Variants in GUCY1A2 observed in about 807,000 individuals in gnomAD.
The protein encoded by GUCY1A2 is guanylate cyclase soluble subunit alpha-2.
GUCY1A2 carries 27 observed loss-of-function variants against 63.5 expected under a neutral mutation model. The ratio of observed to expected loss-of-function variants is 0.43; its 90% CI spans 0.31 to 0.59. The LOEUF (loss-of-function observed/expected upper bound fraction) is 0.59. GUCY1A2 is among the 20% of genes least tolerant of loss of function. The probability of loss-of-function intolerance (pLI) is 0.11; values close to 1 mark genes in which losing one functional copy is unlikely to be tolerated. For missense variants in GUCY1A2, 768 were observed against 913.3 expected (o/e 0.84, Z 2.05); for synonymous variants, 364 against 343.5 (o/e 1.06, Z -0.66).
intron 4 of GUCY1A2, among the ~76,000 whole-genome samples, chr11:106,906,606 A>G (rs776455241): frequency 6.6e-6 from 1 of 152,174 alleles, no homozygotes; most frequent in Non-Finnish European, 1.5e-5. Context: ...AAAGGATTAT[A>G]AATCATTCTA....
intron 1 of GUCY1A2, among the ~76,000 whole-genome samples, chr11:106,991,998 A>G (rs1231682677): frequency 6.6e-6 from 1 of 152,224 alleles, no homozygotes; most frequent in South Asian, 2.1e-4. Flanking sequence ...GAATACTGAG[A>G]CACAAACTTT....
At chr11:106,850,919 A>G (rs894824875) in intron 4 of GUCY1A2, among the ~76,000 whole-genome samples, 1 of 151,816 alleles carries the variant, frequency 6.6e-6, no homozygotes, top group African/African-American at 2.4e-5. Flanking sequence ...AACCTCCATG[A>G]TGTTTTCCAT....
chr11:106,948,102 T>C (rs1224442806), intron 3 of GUCY1A2, among the ~76,000 whole-genome samples: 1 of 152,140 alleles, frequency 6.6e-6, no homozygotes, highest in African/African-American at 2.4e-5. Context: ...ATGACCAAAG[T>C]TGACTCAAGA....
intron 6 of GUCY1A2, among the ~76,000 whole-genome samples, chr11:106,725,755 A>C: frequency 6.6e-6 from 1 of 152,112 alleles, no homozygotes. Flanking sequence ...TGAAATGGTA[A>C]ATTATGAGCT....
chr11:106,860,040 A>G (rs1859488410), intron 4 of GUCY1A2, among the ~76,000 whole-genome samples: 1 of 152,028 alleles, frequency 6.6e-6, no homozygotes, highest in South Asian at 2.1e-4. Context: ...TAAATAAATG[A>G]AATTACATGA....
intron 2 of GUCY1A2, among the ~76,000 whole-genome samples, chr11:106,979,248 G>A (rs540462535): frequency 6.6e-6 from 1 of 152,108 alleles, no homozygotes; most frequent in African/African-American, 2.4e-5. Context: ...GAGTTCAGGA[G>A]ATCAAGACCA....
intron 5 of GUCY1A2, among the ~76,000 whole-genome samples, chr11:106,795,916 T>C (rs1275989355): frequency 6.6e-6 from 1 of 151,834 alleles, no homozygotes; most frequent in Non-Finnish European, 1.5e-5. Context: ...GGTGTTAAAA[T>C]CTCCCACTAT....
intron 3 of GUCY1A2, among the ~76,000 whole-genome samples, chr11:106,952,919 T>C (rs1591341141): frequency 6.6e-6 from 1 of 152,100 alleles, no homozygotes; most frequent in East Asian, 1.9e-4. Flanking sequence ...GGATTACAGG[T>C]ATGAGTCACC....
chr11:106,968,403 A>C (rs542343758), intron 3 of GUCY1A2, among the ~76,000 whole-genome samples: 2 of 152,324 alleles, frequency 1.3e-5, no homozygotes, highest in Admixed American at 1.3e-4. Context: ...AGGAAGAATA[A>C]AAGCATAAAT....
chr11:106,862,749 A>G lies in GUCY1A2; in HGVS notation c.1207-52271T>C, dbSNP rs80093482. Among the ~76,000 whole-genome samples the G allele has an allele frequency of 5.7e-4, 86 of 152,186 alleles. 2 individuals are homozygous for G. The East Asian group carries it at 0.015, about 26-fold the overall frequency. On this transcript the variant is annotated intron_variant, in intron 4 of 7. Transcript: ENST00000526355. Reference sequence around the variant, plus strand: ...AATTCTCTGCAAATTGAATTTAAGAAAAGGGAGGCATGGAAGTGGCTCTGT... The same window carrying G: ...AATTCTCTGCAAATTGAATTTAAGAGAAGGGAGGCATGGAAGTGGCTCTGT...
chr11:106,873,692 C>A (rs1445839661), intron 4 of GUCY1A2, among the ~76,000 whole-genome samples: 1 of 152,078 alleles, frequency 6.6e-6, no homozygotes, highest in Non-Finnish European at 1.5e-5. Flanking sequence ...GGGTAGATTG[C>A]AAAAATTTTC....
At chr11:106,725,706 G>A (rs1349128016) in intron 6 of GUCY1A2, among the ~76,000 whole-genome samples, 3 of 152,084 alleles carry the variant, frequency 2.0e-5, no homozygotes, top group Admixed American at 6.6e-5. Context: ...CCCATTGATG[G>A]AGGTTAGTAA....
intron 1 of GUCY1A2, among the ~76,000 whole-genome samples, chr11:107,007,709 C>T (rs1052583723): frequency 6.6e-6 from 1 of 152,084 alleles, no homozygotes; most frequent in Non-Finnish European, 1.5e-5. Context: ...ACACTTTTTT[C>T]AAGGACACTA....
intron 1 of GUCY1A2, among the ~76,000 whole-genome samples, chr11:106,990,269 A>G (rs1402112449): frequency 6.6e-6 from 1 of 152,208 alleles, no homozygotes; most frequent in African/African-American, 2.4e-5. Flanking sequence ...AGCCTCCATC[A>G]TATGGCGGCA....
intron 7 of GUCY1A2, among the ~76,000 whole-genome samples, chr11:106,688,924 C>A (rs1469035462): frequency 6.6e-6 from 1 of 152,082 alleles, no homozygotes; most frequent in Non-Finnish European, 1.5e-5. Context: ...AAGGCTGGGG[C>A]AGTAGGTTAG....
In GUCY1A2 at chr11:107,017,887, C is replaced by T; in HGVS notation, c.169G>A (p.Ala57Thr). ...EPSPAAAAAAAAPAPTPAASA... is the reference protein window; with the variant it reads ...EPSPAAAAAATAPAPTPAASA... ...GCAGCCGGGGTCGGGGCCGGGGCGG[C>T]GGCAGCGGCAGCTGCGGCCGGGCTG... is the stretch of plus-strand genomic sequence containing the variant. Residue 57 changes from alanine (A) to threonine (T), a missense_variant, in exon 1 of 8, where the codon GCC becomes ACC. By Grantham distance (58) the Ala-to-Thr change is moderately conservative. Transcript: ENST00000526355. The T allele has an allele frequency of 8.0e-7, 1 of 1,243,038 alleles. No homozygotes were observed. Among genetic ancestry groups the T allele is most frequent in the Non-Finnish European group, 1.0e-6 (1 of 990,618 alleles). The allele number at this position is 1,243,038 out of a possible 1,614,324, so 77.0% of individuals were successfully genotyped here. A position where few individuals can be genotyped will look rare whatever the true frequency, so the allele number is the denominator to read the frequency against.
At chr11:106,906,666 G>A (rs1860211098) in intron 4 of GUCY1A2, among the ~76,000 whole-genome samples, 1 of 152,152 alleles carries the variant, frequency 6.6e-6, no homozygotes, top group Non-Finnish European at 1.5e-5. Flanking sequence ...ATTCACAATA[G>A]CAAAGACTTG....
intron 4 of GUCY1A2, among the ~76,000 whole-genome samples, chr11:106,825,932 A>C (rs866319381): frequency 6.6e-6 from 1 of 152,220 alleles, no homozygotes; most frequent in Non-Finnish European, 1.5e-5. Flanking sequence ...AAAAGGAGTA[A>C]GTCATCAATA....
intron 5 of GUCY1A2, among the ~76,000 whole-genome samples, chr11:106,807,207 T>G (rs1430508342): frequency 1.3e-5 from 2 of 152,188 alleles, no homozygotes; most frequent in African/African-American, 4.8e-5. Flanking sequence ...AAAATAAGAC[T>G]TGTGGTCCTT....
Sources: allele counts gnomAD v4.1 joint callset (sites outside exome capture counted in the v4.1 genomes callset), GRCh38; gene constraint gnomAD v4.1.1; transcripts MANE v1.5; gene names NCBI Gene and HGNC (gene_info 2026-07-23, HGNC 2026-07-21).